Variants in SPART observed in about 807,000 individuals in gnomAD.
SPART encodes the protein spartin, also known as spastic paraplegia 20 (Troyer syndrome).
Under a neutral mutation model 58.7 loss-of-function variants are expected in SPART, and 35 were observed. The ratio of observed to expected loss-of-function variants is 0.60; its 90% CI spans 0.46 to 0.79. SPART has a LOEUF of 0.79. SPART is among the 30% of genes least tolerant of loss of function. SPART has a pLI of 0.00. For synonymous variants in SPART, 284 were observed against 280.7 expected (o/e 1.01, Z -0.12); for missense variants, 730 against 786.1 (o/e 0.93, Z 0.85).
At chr13:36,352,096 G>T (rs1327956067) in intron 1 of SPART, among the ~76,000 whole-genome samples, 1 of 152,142 alleles carries the variant, frequency 6.6e-6, no homozygotes, top group Non-Finnish European at 1.5e-5. Flanking sequence ...GAGGGTTAAT[G>T]TTTTAATAAT....
At chr13:36,313,862 T>A (rs1881389165) in intron 6 of SPART, 1 of 283,542 alleles carries the variant, frequency 3.5e-6, no homozygotes, top group African/African-American at 2.3e-5. Context: ...AATACATGAC[T>A]TTACATTCAG....
In SPART at chr13:36,329,393, T is replaced by C; in HGVS notation, c.1133A>G (p.Asp378Gly). ...DVKQLDQGNKDVRHKGKRGKR... is the reference protein window; with the variant it reads ...DVKQLDQGNKGVRHKGKRGKR... ...TCCACGTTTTCCTTTATGACGTACATCCTTATTGCCTTGGTCCAACTGTTT... is the reference window on the plus strand; with the variant it reads ...TCCACGTTTTCCTTTATGACGTACACCCTTATTGCCTTGGTCCAACTGTTT... The change falls in exon 4 of 9, where the codon GAT (aspartate) becomes GGT (glycine). Residue 378 changes from aspartate to glycine, a missense_variant. Coordinates refer to ENST00000438666, the MANE Select transcript of SPART (RefSeq NM_015087.5). The C allele has an allele frequency of 6.2e-7, 1 of 1,614,172 alleles. No homozygotes were observed. Among genetic ancestry groups the C allele is most frequent in the Non-Finnish European group, 8.5e-7 (1 of 1,180,018 alleles).
At chr13:36,309,170 G>T (rs1235889670) in intron 8 of SPART, among the ~76,000 whole-genome samples, 1 of 151,718 alleles carries the variant, frequency 6.6e-6, no homozygotes. Flanking sequence ...TGTGAACCTG[G>T]GAGGCGGAGG....
At chr13:36,365,986 T>C (rs1041139) in intron 1 of SPART, 81,326 of 168,102 alleles carry the variant, frequency 0.48, 20,338 homozygotes, top group East Asian at 0.81. Context: ...CCTGGATTCC[T>C]GCAGTAGCTT....
rs1555263420 is a variant in SPART at position 36,335,836 on chromosome 13, C to CA, written c.-2-5dup. On this transcript the variant is annotated splice_region_variant and splice_polypyrimidine_tract_variant and intron_variant, in intron 1 of 8. Coordinates refer to ENST00000438666, the MANE Select transcript of SPART (RefSeq NM_015087.5). ...TTTTGTGGCTCTTGCTCCATTTCTGCAAAATTGGAGACATATTTAATTATC... is the reference window on the plus strand; with the variant it reads ...TTTTGTGGCTCTTGCTCCATTTCTGCAAAAATTGGAGACATATTTAATTATC... The CA allele has an allele frequency of 6.2e-7, 1 of 1,606,772 alleles. No homozygotes were observed. Among genetic ancestry groups the CA allele is most frequent in the Non-Finnish European group, 8.5e-7 (1 of 1,176,630 alleles).
intron 5 of SPART, among the ~76,000 whole-genome samples, chr13:36,315,093 T>A (rs1214970446): frequency 6.6e-6 from 1 of 152,170 alleles, no homozygotes; most frequent in Non-Finnish European, 1.5e-5. Context: ...GAGGCCCAGA[T>A]AATTTGGCCA....
upstream of SPART, among the ~76,000 whole-genome samples, chr13:36,347,190 G>A (rs1035982370): frequency 1.3e-4 from 20 of 152,080 alleles, no homozygotes; most frequent in Admixed American, 1.2e-3. Flanking sequence ...TACTTGCCCG[G>A]AGCATTTAGA....
chr13:36,336,427 A>T (rs1423321507), intron 1 of SPART: 6 of 152,628 alleles, frequency 3.9e-5, no homozygotes, highest in Non-Finnish European at 5.9e-5. Flanking sequence ...GGCACTTCAC[A>T]GAAGAAAATC....
Position 36,362,845 on chromosome 13 carries a change from C to T in SPART, c.-3+7244G>A, listed in dbSNP as rs1439661302. The stretch of plus-strand genomic sequence containing the variant: ...CCTAGGAGACTCTAAAAATTAATAC[C>T]TTATTCCACTGTTCTTTTTGGTTAT... On this transcript the variant is annotated intron_variant, in intron 1 of 8. Transcript: ENST00000355182. 1.3e-5 allele frequency among the ~76,000 whole-genome samples: 2 copies of T among 151,654 alleles called. 1 individual carries two copies. The highest frequency in any genetic ancestry group is 2.9e-5 in the Non-Finnish European group (2 of 67,914).
intron 2 of SPART, 101 bp from the exon 3 acceptor site, chr13:36,331,697 T>C (rs1883481709): frequency 1.1e-6 from 1 of 871,364 alleles, no homozygotes; most frequent in Non-Finnish European, 1.8e-6. Flanking sequence ...AAATAAACAC[T>C]TCAAAGTTGG....
intron 5 of SPART, among the ~76,000 whole-genome samples, chr13:36,322,179 C>G (rs577395337): frequency 6.6e-6 from 1 of 152,062 alleles, no homozygotes; most frequent in Non-Finnish European, 1.5e-5. Context: ...TCTCTTCACA[C>G]GGACGTGCAT....
chr13:36,339,042 AAAG>A (rs879522672), intron 1 of SPART, among the ~76,000 whole-genome samples: 36 of 152,118 alleles, frequency 2.4e-4, no homozygotes, highest in Admixed American at 2.0e-3. Flanking sequence ...TAAAGGATTA[AAAG>A]AAGAGCAATG....
Position 36,312,172 on chromosome 13 carries a change from G to T in SPART, c.1706C>A (p.Ala569Glu). Residue 569 changes from alanine (A) to glutamate (E), a missense_variant, in exon 8 of 9, where the codon GCA becomes GAA. Ala to Glu is a moderately radical substitution (Grantham distance 107). Transcript: ENST00000438666. Reference protein sequence around the residue: ...AAKCIVNNVSAETVQTVRYKY... With the variant: ...AAKCIVNNVSEETVQTVRYKY... ...GTATCTGACAGTTTGTACAGTTTCT[G>T]CTGAAACATTGTTAACGATGCATTT... 6.2e-7 allele frequency: 1 copy of T among 1,613,960 alleles called. No homozygotes were observed. The highest frequency in any genetic ancestry group is 8.5e-7 in the Non-Finnish European group (1 of 1,179,836).
intron 1 of SPART, among the ~76,000 whole-genome samples, chr13:36,358,853 T>C (rs1219293428): frequency 6.6e-6 from 1 of 152,258 alleles, no homozygotes; most frequent in East Asian, 1.9e-4. Context: ...AAAGGACTTT[T>C]GGAATTTGAT....
Position 36,312,151 on chromosome 13 carries a change from C to T in SPART, c.1727G>A (p.Arg576Lys), listed in dbSNP as rs765614001. The change falls in exon 8 of 9, where the codon AGA becomes AAA. Residue 576 changes from arginine to lysine, a missense_variant. Arg to Lys is a conservative substitution (Grantham distance 26, BLOSUM62 2). Transcript: ENST00000438666. ...NVSAETVQTV[R>K]YKYGYNAGEA... ...AAAATAAAATTCAACTTACTTGTATCTGACAGTTTGTACAGTTTCTGCTGA... is the reference window on the plus strand; with the variant it reads ...AAAATAAAATTCAACTTACTTGTATTTGACAGTTTGTACAGTTTCTGCTGA... The T allele has an allele frequency of 6.2e-6, 10 of 1,612,978 alleles. No homozygotes were observed. The highest frequency in any genetic ancestry group is 8.5e-6 in the Non-Finnish European group (10 of 1,178,968).
At chr13:36,319,899 C>G (rs916290026) in intron 5 of SPART, among the ~76,000 whole-genome samples, 1 of 151,920 alleles carries the variant, frequency 6.6e-6, no homozygotes, top group Non-Finnish European at 1.5e-5. Context: ...TAAAAACACA[C>G]GTGCTCTCCC....
At chr13:36,345,442 A>G (rs188836932) in intron 1 of SPART, 3 of 152,298 alleles carry the variant, frequency 2.0e-5, no homozygotes, top group African/African-American at 7.2e-5. Flanking sequence ...AAATTGCTAC[A>G]TTCTTAAATA....
chr13:36,304,597 G>A lies in SPART; in HGVS notation c.1769C>T (p.Ala590Val), dbSNP rs192704075. Residue 590 changes from alanine to valine, a missense_variant, in exon 9 of 9, where the codon GCG becomes GTG. Transcript: ENST00000438666. ...GCCAACATTGACCGCAGAATCCACC[G>A]CATGGTGGGTAGCTTCTCCTGCATT... ...GYNAGEATHH[A>V]VDSAVNVGVT... 143 of 1,613,970 alleles carry A rather than the reference G, an allele frequency of 8.9e-5. 1 individual carries two copies. In the East Asian group the frequency reaches 1.6e-3, roughly 18 times the overall value.
At chr13:36,319,904 T>G (rs949151626) in intron 5 of SPART, among the ~76,000 whole-genome samples, 15 of 151,906 alleles carry the variant, frequency 9.9e-5, no homozygotes, top group Non-Finnish European at 2.2e-4. Context: ...ACACACGTGC[T>G]CTCCCTGCCA....
Sources: allele counts gnomAD v4.1 joint callset (sites outside exome capture counted in the v4.1 genomes callset), GRCh38; gene constraint gnomAD v4.1.1; transcripts MANE v1.5; gene names NCBI Gene and HGNC (gene_info 2026-07-23, HGNC 2026-07-21).